Variants in LMO1 observed in about 807,000 individuals in gnomAD.
The protein encoded by LMO1 is rhombotin-1.
A neutral mutation model predicts 18.0 loss-of-function variants in LMO1; 10 were observed. The ratio of observed to expected loss-of-function variants is 0.55; its 90% CI spans 0.34 to 0.94. The LOEUF (loss-of-function observed/expected upper bound fraction) is 0.94, where lower values mean the gene tolerates loss of function less well. Ranked by LOEUF, LMO1 falls within the 40% of genes least tolerant of loss-of-function variation. The pLI is 0.02. For missense variants in LMO1, 183 were observed against 205.7 expected (o/e 0.89, Z 0.68); for synonymous variants, 77 against 77.9 (o/e 0.99, Z 0.06).
chr11:8,240,082 C>A (rs1013470587), intron 1 of LMO1, among the ~76,000 whole-genome samples: 1 of 149,916 alleles, frequency 6.7e-6, no homozygotes, highest in Admixed American at 6.7e-5. Flanking sequence ...GGCAGCATCA[C>A]GTCATCTTTT....
chr11:8,234,176 G>T (rs1952720526), intron 1 of LMO1, among the ~76,000 whole-genome samples: 1 of 152,114 alleles, frequency 6.6e-6, no homozygotes, highest in Non-Finnish European at 1.5e-5. Context: ...GCAGGGGGTG[G>T]AGGCAGGGCT....
chr11:8,245,760 G>A (rs973816887), intron 1 of LMO1, among the ~76,000 whole-genome samples: 1 of 152,220 alleles, frequency 6.6e-6, no homozygotes, highest in Non-Finnish European at 1.5e-5. Flanking sequence ...ATGACTCAGT[G>A]TGTTAATCTT....
At chr11:8,249,097 C>T (rs533014747) in intron 1 of LMO1, among the ~76,000 whole-genome samples, 1 of 152,222 alleles carries the variant, frequency 6.6e-6, no homozygotes, top group African/African-American at 2.4e-5. Context: ...GGGAGCTGAG[C>T]AGCTCCAGCC....
At chr11:8,240,172 G>A (rs1319165832) in intron 1 of LMO1, among the ~76,000 whole-genome samples, 1 of 152,192 alleles carries the variant, frequency 6.6e-6, no homozygotes, top group Non-Finnish European at 1.5e-5. Flanking sequence ...CTCCTTGCAG[G>A]AATATAAAAG....
At chr11:8,238,610 G>A (rs923186295) in intron 1 of LMO1, among the ~76,000 whole-genome samples, 1 of 146,462 alleles carries the variant, frequency 6.8e-6, no homozygotes, top group Non-Finnish European at 1.5e-5. Flanking sequence ...GGCAGAGGTT[G>A]CAGTGAGCCA....
chr11:8,262,893 G>C (rs1264164248), intron 1 of LMO1, among the ~76,000 whole-genome samples: 1 of 151,686 alleles, frequency 6.6e-6, no homozygotes, highest in Non-Finnish European at 1.5e-5. Flanking sequence ...CCCCGAAGCC[G>C]CTGATTTGCT....
upstream of LMO1, among the ~76,000 whole-genome samples, chr11:8,267,105 G>A (rs141811457): frequency 6.6e-6 from 1 of 152,330 alleles, no homozygotes; most frequent in African/African-American, 2.4e-5. Flanking sequence ...TGGAGAGCCT[G>A]GACAGGCCTT....
intron 1 of LMO1, among the ~76,000 whole-genome samples, chr11:8,247,014 T>C (rs1846906348): frequency 6.6e-6 from 1 of 152,148 alleles, no homozygotes; most frequent in African/African-American, 2.4e-5. Context: ...CCCAGGAAAC[T>C]CAAACCTTAC....
chr11:8,258,896 G>A (rs1282424585), intron 1 of LMO1, among the ~76,000 whole-genome samples: 1 of 152,208 alleles, frequency 6.6e-6, no homozygotes, highest in African/African-American at 2.4e-5. Flanking sequence ...AAGCTTTTAG[G>A]CGAGCAGCGG....
At chr11:8,225,722 T>C (rs1952527414) in intron 3 of LMO1, among the ~76,000 whole-genome samples, 2 of 152,160 alleles carry the variant, frequency 1.3e-5, no homozygotes, top group Admixed American at 1.3e-4. Flanking sequence ...CCAAGATCGC[T>C]GGCCTAGTTC....
chr11:8,262,440 G>T (rs570904238), intron 1 of LMO1, among the ~76,000 whole-genome samples: 16 of 152,296 alleles, frequency 1.1e-4, no homozygotes, highest in African/African-American at 3.8e-4. Context: ...CCCCAAGGGG[G>T]CTGGGATCCC....
At chr11:8,251,898 GGAGTGTGTGGT>G (rs1263387499) in intron 1 of LMO1, among the ~76,000 whole-genome samples, 1 of 118,024 alleles carries the variant, frequency 8.5e-6, no homozygotes, top group Non-Finnish European at 1.8e-5. Context: ...GGTGTGTATG[GGAGTGTGTGGT>G]GGGTGTGTGG....
At chr11:8,268,185 G>A (rs906019999), upstream of LMO1, among the ~76,000 whole-genome samples, 4 of 152,206 alleles carry the variant, frequency 2.6e-5, no homozygotes, top group Non-Finnish European at 5.9e-5. Context: ...CGTTGGGACC[G>A]GGAGACTTCC....
At position 8,246,007 on chromosome 11, in the gene LMO1, T is replaced by C. The variant is rs367989745; in HGVS notation, c.26-15503A>G. Among the ~76,000 whole-genome samples, 4 of 151,940 alleles carry C rather than the reference T, an allele frequency of 2.6e-5. No homozygotes were observed. The South Asian group carries it at 8.3e-4, about 32-fold the overall frequency. On this transcript the variant is annotated intron_variant, in intron 1 of 3. Transcript: ENST00000335790. ...CTCTTTTAAACAACAAGATTTTGAG[T>C]GAACTGAACAAGAACTCACTCATCA...
intron 1 of LMO1, among the ~76,000 whole-genome samples, chr11:8,239,306 G>A (rs990462066): frequency 6.6e-6 from 1 of 152,190 alleles, no homozygotes; most frequent in Non-Finnish European, 1.5e-5. Context: ...GTCCATGCAG[G>A]GCACTGTCTC....
rs911500077 is a variant in LMO1 at position 8,263,862 on chromosome 11, T to C, written c.-500A>G. On this transcript the variant is annotated 5_prime_UTR_variant, in exon 1 of 4. Transcript: ENST00000335790. Reference sequence around the variant, plus strand: ...AATCTCGTGGCCGTCTCCCGCTGCCTTTCTCCCTCAATGTATGAGGTTTGC... The same window carrying C: ...AATCTCGTGGCCGTCTCCCGCTGCCCTTCTCCCTCAATGTATGAGGTTTGC... 1 of 1,040,090 alleles carries C rather than the reference T, an allele frequency of 9.6e-7. No individual in the cohort carries two copies. The highest frequency in any genetic ancestry group is 1.2e-6 in the Non-Finnish European group (1 of 865,638). The allele number at this position is 1,040,090 out of a possible 1,614,324, so 64.4% of individuals were successfully genotyped here. A position where few individuals can be genotyped will look rare whatever the true frequency, so the allele number is the denominator to read the frequency against.
chr11:8,266,462 G>A (rs537205851), upstream of LMO1, among the ~76,000 whole-genome samples: 2 of 152,294 alleles, frequency 1.3e-5, no homozygotes, highest in East Asian at 3.9e-4. Context: ...GCTGGGGGAG[G>A]TAGTTTTCCC....
chr11:8,263,279 G>A (rs1293101648), intron 1 of LMO1, 59 bp downstream of exon 1: 4 of 1,554,134 alleles, frequency 2.6e-6, no homozygotes, highest in East Asian at 2.4e-5. Context: ...GTGTGTGCCT[G>A]CGCGCCGCGG....
chr11:8,226,700 A>C (rs1459511873), intron 3 of LMO1, among the ~76,000 whole-genome samples: 1 of 152,258 alleles, frequency 6.6e-6, no homozygotes, highest in African/African-American at 2.4e-5. Context: ...TCAACTATGC[A>C]TACACAGTAA....
Sources: allele counts gnomAD v4.1 joint callset (sites outside exome capture counted in the v4.1 genomes callset), GRCh38; gene constraint gnomAD v4.1.1; transcripts MANE v1.5; gene names NCBI Gene and HGNC (gene_info 2026-07-23, HGNC 2026-07-21).